ZZEF1: variants seen among roughly 807,000 people sequenced by gnomAD.
ZZEF1 encodes zinc finger ZZ-type and EF-hand domain containing 1.
ZZEF1 carries 157 observed loss-of-function variants against 342.8 expected under a neutral mutation model. That is an observed-to-expected ratio of 0.46 (90% CI 0.40 to 0.52). The LOEUF (loss-of-function observed/expected upper bound fraction) is 0.52. Ranked by LOEUF, ZZEF1 falls within the 20% of genes least tolerant of loss-of-function variation. The pLI, the probability that ZZEF1 is intolerant of heterozygous loss-of-function variation, is 0.00. For missense variants in ZZEF1, 3,480 were observed against 3,725.6 expected, an observed-to-expected ratio of 0.93 and a Z score of 1.72; for synonymous variants, 1,505 against 1,429.1, an observed-to-expected ratio of 1.05 and a Z score of -1.20.
At chr17:4,042,117 T>C (rs559688200) in intron 39 of ZZEF1, among the ~76,000 whole-genome samples, 1 of 152,288 alleles carries the variant, frequency 6.6e-6, no homozygotes, top group Admixed American at 6.5e-5. Context: ...AAGCAAAATA[T>C]TAACAACTGG....
intron 37 of ZZEF1, among the ~76,000 whole-genome samples, chr17:4,047,807 G>A (rs943392774): frequency 2.0e-5 from 3 of 149,616 alleles, no homozygotes; most frequent in African/African-American, 4.9e-5. Context: ...TGGGCGTGGT[G>A]GTGGGCGCCT....
chr17:4,007,547 G>A (rs1219989070), intron 54 of ZZEF1, among the ~76,000 whole-genome samples: 2 of 152,142 alleles, frequency 1.3e-5, no homozygotes, highest in Admixed American at 6.5e-5. Flanking sequence ...AATGGAGACT[G>A]GACAGGGGCA....
In ZZEF1 at chr17:4,142,658, A is replaced by G; in HGVS notation, c.238T>C (p.Leu80=). 6.2e-7 allele frequency: 1 copy of G among 1,606,804 alleles called. No homozygotes were observed. Among genetic ancestry groups the G allele is most frequent in the Non-Finnish European group, 8.5e-7 (1 of 1,179,472 alleles). The change falls in exon 1 of 55, where the codon TTG becomes CTG. Residue 80 remains leucine (L), a synonymous_variant. Transcript: ENST00000381638. Reference sequence around the variant, plus strand: ...AGCCGCTCTTCCAGCCAGCGAAACAACGCGCCGCGATGCCTCGACACCAGC... The same window carrying G: ...AGCCGCTCTTCCAGCCAGCGAAACAGCGCGCCGCGATGCCTCGACACCAGC... ...ESLVSRHRGA[L]FRWLEERLGR...
chr17:4,015,549 G>C (rs959350527), intron 49 of ZZEF1, among the ~76,000 whole-genome samples: 1 of 152,240 alleles, frequency 6.6e-6, no homozygotes, highest in Admixed American at 6.5e-5. Context: ...TGGATCACCT[G>C]AGGTCAGGAG....
Position 4,017,917 on chromosome 17 carries a change from C to T in ZZEF1, c.7560G>A (p.Arg2520=). ...TDERIRSLAQ[R]WQPSKSLRLE... ...GCCTCAGACTCTTACTGGGCTGCCA[C>T]CGCTGAGCCAGGGACCGTATCCTTT... Residue 2520 remains arginine, a synonymous_variant, in exon 47 of 55, where the codon CGG becomes CGA. Coordinates refer to ENST00000381638, the MANE Select transcript of ZZEF1 (RefSeq NM_015113.4). This position sits in a 1 kb window ranked among gnomAD's most constrained non-coding sequence, Gnocchi z 5.1. 2 of 1,614,190 alleles carry T rather than the reference C, an allele frequency of 1.2e-6. No individual in the cohort carries two copies. The highest frequency in any genetic ancestry group is 8.5e-7 in the Non-Finnish European group (1 of 1,180,046).
At chr17:4,027,834 C>T (rs1443841259) in intron 42 of ZZEF1, among the ~76,000 whole-genome samples, 1 of 151,986 alleles carries the variant, frequency 6.6e-6, no homozygotes, top group Non-Finnish European at 1.5e-5. Context: ...AACTCCTGGC[C>T]TCATCATCAT....
intron 54 of ZZEF1, among the ~76,000 whole-genome samples, chr17:4,007,880 G>T (rs1004546591): frequency 6.6e-6 from 1 of 152,042 alleles, no homozygotes; most frequent in Non-Finnish European, 1.5e-5. Context: ...CTCAGGCAGG[G>T]CTCTTGGCTG....
Position 4,094,812 on chromosome 17 carries a change from C to T in ZZEF1, c.1913+1019G>A, listed in dbSNP as rs12603199. 5.3e-4 allele frequency among the ~76,000 whole-genome samples: 81 copies of T among 152,224 alleles called. 1 individual carries two copies. The East Asian group carries it at 0.015, about 28-fold the overall frequency. On this transcript the variant is annotated intron_variant, in intron 11 of 54. Coordinates refer to ENST00000381638, the MANE Select transcript of ZZEF1 (RefSeq NM_015113.4). ...TCTCTTGGTCCACATCTCTGCACTGCTGCTGCTGCTCTAGTAGGAGTCACC... is the reference window on the plus strand; with the variant it reads ...TCTCTTGGTCCACATCTCTGCACTGTTGCTGCTGCTCTAGTAGGAGTCACC...
rs1459432446 is a variant in ZZEF1, at chr17:4,008,864, G to A, written c.8805+19C>T. 1 of 1,545,402 alleles carries A rather than the reference G, an allele frequency of 6.5e-7. No individual in the cohort carries two copies. The highest frequency in any genetic ancestry group is 1.4e-5 in the African/African-American group (1 of 73,284). ...GCGCCCCAGCCTGGGGGCCAGCTCT[G>A]TTGGGGTGGAGAGAGTACCTGTGCC... On this transcript the variant is annotated intron_variant, in intron 54 of 54. Transcript: ENST00000381638. This position sits in a 1 kb window ranked among gnomAD's most constrained non-coding sequence, Gnocchi z 4.2.
rs540272330 is a variant in ZZEF1 at position 4,135,413 on chromosome 17, T to G, written c.354+7129A>C. ...ATTCCTTGAACCTGGGAGGCAAAGGTTGCAGTGAGCTGAAATCACCACTGC... is the reference window on the plus strand; with the variant it reads ...ATTCCTTGAACCTGGGAGGCAAAGGGTGCAGTGAGCTGAAATCACCACTGC... On this transcript the variant is annotated intron_variant, in intron 1 of 54. Coordinates refer to ENST00000381638, the MANE Select transcript of ZZEF1 (RefSeq NM_015113.4). 3.3e-5 allele frequency among the ~76,000 whole-genome samples: 5 copies of G among 152,068 alleles called. No homozygotes were observed. The South Asian group carries it at 1.0e-3, about 32-fold the overall frequency.
chr17:4,102,460 G>A (rs374653631), intron 8 of ZZEF1, 45 bp from the exon 9 acceptor site: 1 of 1,559,408 alleles, frequency 6.4e-7, no homozygotes, highest in South Asian at 1.1e-5. Flanking sequence ...AAAATATGAA[G>A]AACTGGAAAC....
At position 4,014,059 on chromosome 17, in the gene ZZEF1, A is replaced by G. The variant is rs1457342670; in HGVS notation, c.8413+31T>C. On this transcript the variant is annotated intron_variant, in intron 51 of 54. Coordinates refer to ENST00000381638, the MANE Select transcript of ZZEF1 (RefSeq NM_015113.4). The surrounding 1 kb of genome is among the most constrained non-coding windows in gnomAD (Gnocchi z 4.4). ...GCCATGGAGTGTCCCTGGCAGGCAGATGGTGTGAACGCAAAGCCCAGAGCA... is the reference window on the plus strand; with the variant it reads ...GCCATGGAGTGTCCCTGGCAGGCAGGTGGTGTGAACGCAAAGCCCAGAGCA... 4 of 1,597,518 alleles carry G rather than the reference A, an allele frequency of 2.5e-6. No individual in the cohort carries two copies. The highest frequency in any genetic ancestry group is 2.6e-6 in the Non-Finnish European group (3 of 1,165,312).
chr17:4,070,943 C>A lies in ZZEF1; in HGVS notation c.3835-19G>T. 4 of 1,605,738 alleles carry A rather than the reference C, an allele frequency of 2.5e-6. No individual in the cohort carries two copies. Among genetic ancestry groups the A allele is most frequent in the Non-Finnish European group, 3.4e-6 (4 of 1,176,812 alleles). On this transcript the variant is annotated intron_variant, in intron 25 of 54. Transcript: ENST00000381638. Reference sequence around the variant, plus strand: ...TCTTAACCTGGAAACAAAAAATAAACCCATCACATTTAACACATTCATTCA... The same window carrying A: ...TCTTAACCTGGAAACAAAAAATAAAACCATCACATTTAACACATTCATTCA...
At chr17:4,064,862 A>AC in intron 28 of ZZEF1, 33 bp from the exon 29 acceptor site, 1 of 1,509,018 alleles carries the variant, frequency 6.6e-7, no homozygotes, top group Non-Finnish European at 8.9e-7. Flanking sequence ...ATTGAAAAAA[A>AC]AAAAAGTTAA....
intron 45 of ZZEF1, among the ~76,000 whole-genome samples, chr17:4,020,255 A>G (rs996911799): frequency 6.6e-6 from 1 of 152,224 alleles, no homozygotes; most frequent in African/African-American, 2.4e-5. Flanking sequence ...TTTAACCTGC[A>G]CTTAAACTTG....
chr17:4,048,681 C>A (rs9900637), intron 37 of ZZEF1, among the ~76,000 whole-genome samples: 80,225 of 151,992 alleles, frequency 0.53, 21,440 homozygotes, highest in Admixed American at 0.6. Context: ...ACAGCTACAC[C>A]GATACAGTGT....
At chr17:4,031,518 T>C (rs922316823) in intron 42 of ZZEF1, among the ~76,000 whole-genome samples, 1 of 152,070 alleles carries the variant, frequency 6.6e-6, no homozygotes, top group Non-Finnish European at 1.5e-5. Flanking sequence ...CTGGATCAAA[T>C]GGATGTTCAT....
intron 49 of ZZEF1, among the ~76,000 whole-genome samples, chr17:4,015,158 AGGAACCCCAGAGAAGGGCAAC>A (rs1460036900): frequency 1.3e-5 from 2 of 152,186 alleles, no homozygotes; most frequent in Non-Finnish European, 2.9e-5. Flanking sequence ...TAGCAGCAAA[AGGAACCCCAGAGAAGGGCAAC>A]GGGTGTCCAG....
chr17:4,116,723 G>A (rs2058399966), intron 3 of ZZEF1, among the ~76,000 whole-genome samples: 1 of 152,166 alleles, frequency 6.6e-6, no homozygotes, highest in Non-Finnish European at 1.5e-5. Flanking sequence ...GGTGGGGTAG[G>A]GGAGGTGTTA....
Sources: gnomAD v4.1 joint callset for allele counts (sites outside exome capture counted in the v4.1 genomes callset) on GRCh38, gnomAD v4.1.1 for gene constraint, Gnocchi (gnomAD v3.1) non-coding constraint, MANE v1.5 for transcripts, NCBI Gene and HGNC (gene_info 2026-07-23, HGNC 2026-07-21) for gene names.